The following STS variants were observed in gnomAD, a reference collection of about 807,000 sequenced individuals.
The protein encoded by STS is steroid sulfatase.
STS carries 7 observed loss-of-function variants against 26.8 expected under a neutral mutation model. The observed-to-expected ratio is 0.26, with a 90% CI of 0.15 to 0.49. STS has a LOEUF of 0.49. Among genes scored for constraint, STS ranks in the 20% least tolerant of loss-of-function variants. The pLI is 0.98. For synonymous variants in STS, 199 were observed against 189.4 expected (o/e 1.05, Z -0.42); for missense variants, 434 against 465.6 (o/e 0.93, Z 0.63).
rs145644033 is a variant in STS, at chrX:7,350,691, A to G, written c.*430A>G. The stretch of plus-strand genomic sequence containing the variant: ...TTACTCTATAATCTGCAGTGATGCA[A>G]TAACCAGCATAATAAAAAGGCAATC... On this transcript the variant is annotated 3_prime_UTR_variant, in exon 11 of 11. Transcript: ENST00000674429. The G allele has an allele frequency of 1.9e-3, 235 of 126,355 alleles. No individual in the cohort carries two copies. The highest frequency in any genetic ancestry group is 3.2e-3 in the Non-Finnish European group (204 of 62,894). The allele number at this position is 126,355 out of a possible 1,213,427, so 10.4% of individuals were successfully genotyped here.
intron 2 of STS, among the ~76,000 whole-genome samples, chrX:7,203,940 A>T (rs754130621): frequency 2.7e-5 from 3 of 110,762 alleles, no homozygotes; most frequent in Non-Finnish European, 5.7e-5. Context: ...GTGTTCTACC[A>T]CGCCCAGATA....
At chrX:7,166,512 C>A (rs1933354417) in intron 1 of STS, among the ~76,000 whole-genome samples, 2 of 111,540 alleles carry the variant, frequency 1.8e-5, no homozygotes, top group Non-Finnish European at 3.8e-5. Flanking sequence ...TCTTAATTGG[C>A]AGACAGGATC....
chrX:7,301,938 GTTTA>G (rs1374306639), intron 7 of STS, among the ~76,000 whole-genome samples: 1 of 111,940 alleles, frequency 8.9e-6, no homozygotes, highest in Admixed American at 9.5e-5. Context: ...ATGTACCACA[GTTTA>G]TTTATCCATT....
intron 2 of STS, among the ~76,000 whole-genome samples, chrX:7,204,950 A>T (rs1035114403): frequency 1.0e-4 from 11 of 107,378 alleles, no homozygotes; most frequent in Admixed American, 3.0e-4. Context: ...ATCCTTCTCC[A>T]CTCTGAGACC....
chrX:7,205,808 G>C (rs746160205), intron 2 of STS, among the ~76,000 whole-genome samples: 2 of 108,618 alleles, frequency 1.8e-5, no homozygotes, highest in Non-Finnish European at 3.8e-5. Flanking sequence ...TAGAGACAAG[G>C]TCTCGCTATA....
At chrX:7,204,572 T>G (rs1203685795) in intron 2 of STS, among the ~76,000 whole-genome samples, 1 of 89,835 alleles carries the variant, frequency 1.1e-5, no homozygotes, top group African/African-American at 4.1e-5. Flanking sequence ...CTTTTCTTCC[T>G]TTCCTTCCTT....
At chrX:7,205,908 T>C (rs944034142) in intron 2 of STS, among the ~76,000 whole-genome samples, 13 of 110,057 alleles carry the variant, frequency 1.2e-4, no homozygotes, top group Non-Finnish European at 1.5e-4. Context: ...GAGCCACCAC[T>C]CTCGGTGGAA....
intron 1 of STS, among the ~76,000 whole-genome samples, chrX:7,151,344 ATC>A (rs1475852561): frequency 9.0e-6 from 1 of 111,706 alleles, no homozygotes; most frequent in African/African-American, 3.3e-5. Flanking sequence ...ACTAGGGACC[ATC>A]TTTCTCAGTG....
intron 8 of STS, among the ~76,000 whole-genome samples, chrX:7,316,230 G>A (rs1454736080): frequency 1.8e-5 from 2 of 112,042 alleles, no homozygotes; most frequent in African/African-American, 6.5e-5. Context: ...AGAAGTTGCT[G>A]TGACACTTCC....
At chrX:7,335,097 G>A (rs1477211266) in intron 10 of STS, among the ~76,000 whole-genome samples, 1 of 112,355 alleles carries the variant, frequency 8.9e-6, no homozygotes, top group Non-Finnish European at 1.9e-5. Flanking sequence ...TAGCAGCATG[G>A]TTTATATTCC....
At chrX:7,287,860 T>C (rs144056097) in intron 7 of STS, among the ~76,000 whole-genome samples, 9,315 of 110,245 alleles carry the variant, frequency 0.084, 330 homozygotes, top group Middle Eastern at 0.17. Context: ...ATACTCTTTT[T>C]TTCACCATGA....
chrX:7,173,708 G>T (rs1219877192), intron 1 of STS, among the ~76,000 whole-genome samples: 1 of 112,219 alleles, frequency 8.9e-6, no homozygotes, highest in African/African-American at 3.2e-5. Flanking sequence ...TGAGCTTTTT[G>T]TCATATGTTT....
At chrX:7,286,671 A>C (rs1925148165) in intron 7 of STS, among the ~76,000 whole-genome samples, 2 of 111,805 alleles carry the variant, frequency 1.8e-5, no homozygotes, top group South Asian at 7.5e-4. Flanking sequence ...GACTAATACA[A>C]ACCCACTTAT....
At chrX:7,300,148 A>C (rs1283299072) in intron 7 of STS, among the ~76,000 whole-genome samples, 2 of 111,990 alleles carry the variant, frequency 1.8e-5, no homozygotes, top group Non-Finnish European at 3.8e-5. Context: ...GGGACTGCAA[A>C]AGGTCTGGTT....
intron 8 of STS, among the ~76,000 whole-genome samples, chrX:7,320,866 T>C (rs754752739): frequency 8.9e-6 from 1 of 111,733 alleles, no homozygotes; most frequent in South Asian, 3.8e-4. Flanking sequence ...AACTACAAAG[T>C]ATGATGTGAA....
chrX:7,333,311 A>G (rs1442566734), intron 9 of STS, among the ~76,000 whole-genome samples: 1 of 112,197 alleles, frequency 8.9e-6, no homozygotes, highest in Non-Finnish European at 1.9e-5. Context: ...TCAAACTATA[A>G]GTAATCTTAT....
At chrX:7,339,195 A>T (rs1228627503) in intron 10 of STS, among the ~76,000 whole-genome samples, 1 of 112,032 alleles carries the variant, frequency 8.9e-6, no homozygotes, top group Non-Finnish European at 1.9e-5. Flanking sequence ...CATCATCACT[A>T]GTAATTTTGG....
intron 8 of STS, among the ~76,000 whole-genome samples, chrX:7,313,190 G>C (rs1926562527): frequency 1.8e-5 from 2 of 112,140 alleles, no homozygotes; most frequent in Admixed American, 1.9e-4. Flanking sequence ...GGGGGTGGGG[G>C]ATCATATTTT....
At chrX:7,323,041 C>G (rs5934937) in intron 8 of STS, among the ~76,000 whole-genome samples, 34,614 of 110,655 alleles carry the variant, frequency 0.31, 4,433 homozygotes, top group East Asian at 0.4. Context: ...TTTTTTGTGC[C>G]TCTCTTGCAG....
Sources: allele counts gnomAD v4.1 joint callset (sites outside exome capture counted in the v4.1 genomes callset), GRCh38; gene constraint gnomAD v4.1.1; transcripts MANE v1.5; gene names NCBI Gene and HGNC (gene_info 2026-07-23, HGNC 2026-07-21).